Variants in TFB1M observed in about 807,000 individuals in gnomAD.
TFB1M encodes transcription factor B1, mitochondrial.
Under a neutral mutation model 31.1 loss-of-function variants are expected in TFB1M, and 27 were observed. The observed-to-expected ratio is 0.87, with a 90% CI of 0.64 to 1.20. The LOEUF is 1.20. Among genes scored for constraint, TFB1M ranks in the 50% most tolerant of loss-of-function variants. The probability of loss-of-function intolerance (pLI) is 0.00; values close to 1 mark genes in which losing one functional copy is unlikely to be tolerated. For synonymous variants in TFB1M, 166 were observed against 151.8 expected (o/e 1.09, Z -0.69); for missense variants, 394 against 418.7 (o/e 0.94, Z 0.51).
At chr6:155,266,615 A>AG (rs1210959139) in intron 5 of TFB1M, among the ~76,000 whole-genome samples, 1 of 151,962 alleles carries the variant, frequency 6.6e-6, no homozygotes, top group Non-Finnish European at 1.5e-5. Context: ...GGAAGGCCAA[A>AG]GCGGGCGAAT....
intron 5 of TFB1M, among the ~76,000 whole-genome samples, chr6:155,270,502 G>A (rs548493867): frequency 6.6e-6 from 1 of 152,230 alleles, no homozygotes; most frequent in East Asian, 1.9e-4. Context: ...TATAGCTAAC[G>A]AAAGTTGCTT....
intron 4 of TFB1M, among the ~76,000 whole-genome samples, chr6:155,289,898 T>A (rs1186008856): frequency 6.6e-6 from 1 of 152,094 alleles, no homozygotes; most frequent in East Asian, 1.9e-4. Flanking sequence ...GTGTAGCACC[T>A]CCCCACTCTC....
At position 155,296,929 on chromosome 6, in the gene TFB1M, T is replaced by C. The variant is rs1165431793; in HGVS notation, c.546+24A>G. The C allele has an allele frequency of 3.7e-6, 6 of 1,606,706 alleles. No homozygotes were observed. In the East Asian group the frequency reaches 1.1e-4, roughly 30 times the overall value. The stretch of plus-strand genomic sequence containing the variant: ...TTTGGAATTTGAACATGTGATAAAA[T>C]AGTCACAAAATGTTAAAACTTACCT... On this transcript the variant is annotated intron_variant, in intron 4 of 6. Transcript: ENST00000367166.
chr6:155,275,841 T>C, intron 5 of TFB1M: 2 of 1,614,142 alleles, frequency 1.2e-6, no homozygotes, highest in Non-Finnish European at 1.7e-6. Flanking sequence ...TCCAACATCA[T>C]AACAGCCATT....
At chr6:155,307,374 T>C (rs912808178) in intron 2 of TFB1M, among the ~76,000 whole-genome samples, 8 of 152,080 alleles carry the variant, frequency 5.3e-5, no homozygotes, top group Non-Finnish European at 8.8e-5. Context: ...CTCACAATCA[T>C]GACGGAAGGC....
intron 4 of TFB1M, among the ~76,000 whole-genome samples, chr6:155,292,292 G>T (rs1467273808): frequency 2.0e-5 from 3 of 152,166 alleles, no homozygotes; most frequent in Non-Finnish European, 2.9e-5. Context: ...AGCAGCGGGT[G>T]GGGGAGACAG....
intron 1 of TFB1M, 65 bp downstream of exon 1, chr6:155,314,231 A>C: frequency 6.3e-7 from 1 of 1,594,204 alleles, no homozygotes; most frequent in Admixed American, 1.7e-5. Flanking sequence ...GACGTGCAAG[A>C]CCCCCCGGCC....
rs553053426 is a variant in TFB1M at position 155,281,914 on chromosome 6, C to T, written c.666+3244G>A. ...AGAGTAGCTGAAAAAAAAGATTAAG[C>T]GTGGAACCCCAGAAATATGTGGATT... On this transcript the variant is annotated intron_variant, in intron 5 of 6. Transcript: ENST00000367166. Among the ~76,000 whole-genome samples, 30 of 151,830 alleles carry T rather than the reference C, an allele frequency of 2.0e-4. No homozygotes were observed. The South Asian group carries it at 5.8e-3, about 29-fold the overall frequency.
chr6:155,251,089 G>A, the TFB1M span: 16 of 1,370,456 alleles, frequency 1.2e-5, no homozygotes, highest in South Asian at 5.8e-5. Context: ...TTCACTAGCC[G>A]CACCAGTCCA....
intron 4 of TFB1M, among the ~76,000 whole-genome samples, chr6:155,293,732 A>G (rs1777035421): frequency 6.6e-6 from 1 of 152,132 alleles, no homozygotes; most frequent in Non-Finnish European, 1.5e-5. Flanking sequence ...TTAGGTTTTC[A>G]AAATAATTAT....
At chr6:155,230,543 T>TTATGCCAGTC in the TFB1M span, among the ~76,000 whole-genome samples, 141,775 of 152,072 alleles carry the variant, frequency 0.93, 66,243 homozygotes, top group East Asian at 1. Context: ...CAAGGAGTGA[T>TTATGCCAGTC]TTGTTCATCA....
At chr6:155,284,381 C>G (rs547254094) in intron 5 of TFB1M, among the ~76,000 whole-genome samples, 1 of 152,098 alleles carries the variant, frequency 6.6e-6, no homozygotes, top group African/African-American at 2.4e-5. Context: ...TTTTAGGGAC[C>G]AGTGAGAAAT....
intron 4 of TFB1M, among the ~76,000 whole-genome samples, chr6:155,286,251 C>A (rs980903475): frequency 6.6e-6 from 1 of 151,898 alleles, no homozygotes; most frequent in African/African-American, 2.4e-5. Flanking sequence ...AGCAAATTAA[C>A]AATAAGTGAA....
intron 4 of TFB1M, among the ~76,000 whole-genome samples, chr6:155,290,579 C>CT (rs1206421806): frequency 1.3e-5 from 2 of 151,936 alleles, no homozygotes; most frequent in Admixed American, 1.3e-4. Context: ...CTAAAATCAA[C>CT]TTTTTTTGTT....
At chr6:155,304,915 A>G (rs1051382642) in intron 2 of TFB1M, among the ~76,000 whole-genome samples, 1 of 151,166 alleles carries the variant, frequency 6.6e-6, no homozygotes, top group Non-Finnish European at 1.5e-5. Flanking sequence ...ATAAACCGAC[A>G]CACATAAAAC....
At chr6:155,284,235 T>C (rs1022725322) in intron 5 of TFB1M, among the ~76,000 whole-genome samples, 11 of 152,236 alleles carry the variant, frequency 7.2e-5, no homozygotes, top group Non-Finnish European at 7.3e-5. Flanking sequence ...ACACTATTGG[T>C]TAGGGTCTCC....
rs367601594 is a variant in TFB1M, at chr6:155,275,752, C to T, written c.666+9406G>A. 8.7e-6 allele frequency: 14 copies of T among 1,613,978 alleles called. No individual in the cohort carries two copies. In the African/African-American group the frequency reaches 1.9e-4, roughly 22 times the overall value. ...CAGCAGGACTCCAGCTCCTTGCTTT[C>T]ATCCTGGCCTTATCTGGGGTCTCTG... On this transcript the variant is annotated intron_variant, in intron 5 of 6. Transcript: ENST00000367166.
intron 4 of TFB1M, among the ~76,000 whole-genome samples, chr6:155,296,158 T>A (rs992721456): frequency 4.6e-5 from 7 of 152,198 alleles, no homozygotes; most frequent in Non-Finnish European, 7.3e-5. Flanking sequence ...AATGCAGGCA[T>A]AGCAGACTTC....
chr6:155,268,305 T>C (rs1784755403), intron 5 of TFB1M, among the ~76,000 whole-genome samples: 1 of 152,184 alleles, frequency 6.6e-6, no homozygotes, highest in South Asian at 2.1e-4. Context: ...CCTCTAGTGG[T>C]GGCCTTCAAA....
Sources: allele counts gnomAD v4.1 joint callset (sites outside exome capture counted in the v4.1 genomes callset), GRCh38; gene constraint gnomAD v4.1.1; transcripts MANE v1.5; gene names NCBI Gene and HGNC (gene_info 2026-07-23, HGNC 2026-07-21).